Variants in RBPMS2 observed in about 807,000 individuals in gnomAD.
RBPMS2 encodes RNA binding protein, mRNA processing factor 2.
RBPMS2 carries 14 observed loss-of-function variants against 25.7 expected under a neutral mutation model. That is an observed-to-expected ratio of 0.55 (90% CI 0.36 to 0.85). The LOEUF (loss-of-function observed/expected upper bound fraction) is 0.85. Among genes scored for constraint, RBPMS2 ranks in the 40% least tolerant of loss-of-function variants. RBPMS2 has a pLI of 0.01. For missense variants in RBPMS2, 252 were observed against 283.4 expected (o/e 0.89, Z 0.80); for synonymous variants, 127 against 115.6 (o/e 1.10, Z -0.63).
In RBPMS2 at chr15:64,749,427, T is replaced by A. The variant is rs2083653744; in HGVS notation, c.267+4A>T. The stretch of plus-strand genomic sequence containing the variant: ...CAGAGAAGACCTGTTCTCCACCTAC[T>A]CACGTTCAGCGCATTCTTGGCCGCT... On this transcript the variant is annotated splice_donor_region_variant and intron_variant, in intron 4 of 7. Transcript: ENST00000300069. 1 of 1,612,656 alleles carries A rather than the reference T, an allele frequency of 6.2e-7. No homozygotes were observed. The highest frequency in any genetic ancestry group is 8.5e-7 in the Non-Finnish European group (1 of 1,179,234).
chr15:64,767,378 C>T (rs750018926), intron 1 of RBPMS2, among the ~76,000 whole-genome samples: 10 of 152,190 alleles, frequency 6.6e-5, no homozygotes, highest in Non-Finnish European at 1.5e-4. Flanking sequence ...GAGGAAGTGA[C>T]GTGACACCAG....
chr15:64,747,939 G>C (rs1704269528), intron 6 of RBPMS2, among the ~76,000 whole-genome samples: 1 of 152,058 alleles, frequency 6.6e-6, no homozygotes, highest in Admixed American at 6.5e-5. Flanking sequence ...ACTTCGTCTT[G>C]ACATCTAACT....
intron 1 of RBPMS2, among the ~76,000 whole-genome samples, chr15:64,764,866 T>A (rs1482026559): frequency 7.1e-6 from 1 of 140,846 alleles, no homozygotes; most frequent in Non-Finnish European, 1.5e-5. Context: ...GGCAATGAGC[T>A]GAGACCACGC....
intron 6 of RBPMS2, among the ~76,000 whole-genome samples, chr15:64,741,915 C>T (rs2141051922): frequency 6.6e-6 from 1 of 152,302 alleles, no homozygotes; most frequent in East Asian, 1.9e-4. Context: ...CCTGTAATCC[C>T]AGCACTTTCG....
chr15:64,762,411 C>T (rs746530962), intron 1 of RBPMS2: 3 of 534,678 alleles, frequency 5.6e-6, no homozygotes, highest in East Asian at 5.5e-5. Context: ...ACAGAGCACA[C>T]GAGCTGCAGC....
At chr15:64,761,742 G>A (rs1403126010) in intron 1 of RBPMS2, among the ~76,000 whole-genome samples, 3 of 121,762 alleles carry the variant, frequency 2.5e-5, no homozygotes, top group East Asian at 2.6e-4. Flanking sequence ...TCACTCTGTC[G>A]CCCAGGCTGC....
chr15:64,749,522 T>C (rs1157012950), intron 3 of RBPMS2, 29 bp from the exon 4 acceptor site: 33 of 1,579,566 alleles, frequency 2.1e-5, no homozygotes, highest in Non-Finnish European at 2.9e-5. Flanking sequence ...AACACCCTTA[T>C]ATCTCTCCTA....
At chr15:64,763,328 A>G (rs977162790) in intron 1 of RBPMS2, among the ~76,000 whole-genome samples, 1 of 152,166 alleles carries the variant, frequency 6.6e-6, no homozygotes, top group Admixed American at 6.5e-5. Context: ...CATGTTTCCC[A>G]TGCTTCCTGC....
At chr15:64,759,665 CTTTT>C (rs1234541171) in intron 1 of RBPMS2, among the ~76,000 whole-genome samples, 2 of 151,956 alleles carry the variant, frequency 1.3e-5, no homozygotes, top group African/African-American at 2.4e-5. Flanking sequence ...GCCTGTTTTT[CTTTT>C]TTTAATTATT....
intron 1 of RBPMS2, among the ~76,000 whole-genome samples, chr15:64,757,321 G>A (rs2083741949): frequency 6.6e-6 from 1 of 151,964 alleles, no homozygotes; most frequent in Non-Finnish European, 1.5e-5. Context: ...AAGACTAAGA[G>A]CTCACCTTAC....
At chr15:64,746,690 CCT>C (rs1241721747) in intron 6 of RBPMS2, among the ~76,000 whole-genome samples, 2 of 152,182 alleles carry the variant, frequency 1.3e-5, no homozygotes, top group Admixed American at 6.5e-5. Context: ...GCAGAGGTGC[CCT>C]CTCTGATTCA....
intron 1 of RBPMS2, among the ~76,000 whole-genome samples, chr15:64,756,430 C>T (rs369141235): frequency 6.6e-6 from 1 of 151,614 alleles, no homozygotes; most frequent in Admixed American, 6.6e-5. Context: ...CACGAGAATC[C>T]CCTGAACCCT....
At chr15:64,744,814 T>C (rs1424125198) in intron 6 of RBPMS2, among the ~76,000 whole-genome samples, 1 of 112,698 alleles carries the variant, frequency 8.9e-6, no homozygotes, top group African/African-American at 3.6e-5. Flanking sequence ...TTTTTTTTTT[T>C]TTTTTTTTTT....
At chr15:64,769,111 A>C (rs2083872743) in intron 1 of RBPMS2, among the ~76,000 whole-genome samples, 1 of 149,488 alleles carries the variant, frequency 6.7e-6, no homozygotes. Flanking sequence ...AAAAAAAAAA[A>C]AAAAAAAAAA....
intron 6 of RBPMS2, among the ~76,000 whole-genome samples, chr15:64,747,789 T>C (rs530122444): frequency 6.6e-6 from 1 of 152,252 alleles, no homozygotes; most frequent in East Asian, 1.9e-4. Context: ...GGCCCTGCTC[T>C]AACAGCCCCG....
At chr15:64,773,356 A>T (rs1345427807) in intron 1 of RBPMS2, among the ~76,000 whole-genome samples, 1 of 152,204 alleles carries the variant, frequency 6.6e-6, no homozygotes, top group Non-Finnish European at 1.5e-5. Context: ...GACCAGACAG[A>T]CACTGGGCTC....
chr15:64,771,174 A>G (rs1366466589), intron 1 of RBPMS2, among the ~76,000 whole-genome samples: 2 of 152,270 alleles, frequency 1.3e-5, no homozygotes, highest in African/African-American at 4.8e-5. Context: ...AATTACTTTA[A>G]CAATCTCCAA....
At chr15:64,751,466 G>A (rs531123862) in intron 2 of RBPMS2, 95 bp downstream of exon 2, 9 of 1,032,054 alleles carry the variant, frequency 8.7e-6, no homozygotes, top group South Asian at 4.0e-5. Context: ...ACGCCTTCCC[G>A]CATCATCCTG....
chr15:64,744,640 C>A (rs1285971397), intron 6 of RBPMS2, among the ~76,000 whole-genome samples: 6 of 150,946 alleles, frequency 4.0e-5, no homozygotes, highest in Non-Finnish European at 4.4e-5. Flanking sequence ...TGTTGTATAG[C>A]TATCAGTAAG....
Sources: allele counts gnomAD v4.1 joint callset (sites outside exome capture counted in the v4.1 genomes callset), GRCh38; gene constraint gnomAD v4.1.1; transcripts MANE v1.5; gene names NCBI Gene and HGNC (gene_info 2026-07-23, HGNC 2026-07-21).